Variants in CATSPERT observed in about 807,000 individuals in gnomAD.
CATSPERT encodes catsper channel auxiliary subunit tau, also known as cation channel sperm-associated targeting subunit tau.
chr2:201,562,345 G>A, the CATSPERT span, among the ~76,000 whole-genome samples: 2 of 151,102 alleles, frequency 1.3e-5, no homozygotes, highest in African/African-American at 4.9e-5. Flanking sequence ...CCACCACCAC[G>A]CCCGGCTAAT....
At chr2:201,538,176 C>A in the CATSPERT span, among the ~76,000 whole-genome samples, 1 of 151,976 alleles carries the variant, frequency 6.6e-6, no homozygotes, top group Non-Finnish European at 1.5e-5. Flanking sequence ...AAAAGCAATT[C>A]CCTATTTGCC....
At chr2:201,582,765 T>C in the CATSPERT span, among the ~76,000 whole-genome samples, 2 of 152,208 alleles carry the variant, frequency 1.3e-5, no homozygotes, top group Non-Finnish European at 2.9e-5. Context: ...CATTATTATG[T>C]AATCTTTAAT....
chr2:201,593,285 A>T, the CATSPERT span, among the ~76,000 whole-genome samples: 2 of 150,386 alleles, frequency 1.3e-5, no homozygotes, highest in Non-Finnish European at 3.0e-5. Context: ...CATGTAGTTG[A>T]GCGGTTTTGA....
At chr2:201,523,787 T>C in the CATSPERT span, among the ~76,000 whole-genome samples, 1 of 141,550 alleles carries the variant, frequency 7.1e-6, no homozygotes, top group African/African-American at 2.5e-5. Flanking sequence ...AAATAGTCAT[T>C]TTAAGCAGGA....
chr2:201,614,906 A>C, the CATSPERT span, among the ~76,000 whole-genome samples: 1 of 152,216 alleles, frequency 6.6e-6, no homozygotes, highest in African/African-American at 2.4e-5. Context: ...CAGGGGTTGC[A>C]ATGCTAGTCT....
chr2:201,529,075 T>C, the CATSPERT span, among the ~76,000 whole-genome samples: 2 of 152,152 alleles, frequency 1.3e-5, no homozygotes, highest in Non-Finnish European at 2.9e-5. Context: ...CAAGGAAAAC[T>C]ATGAAACACT....
the CATSPERT span, among the ~76,000 whole-genome samples, chr2:201,504,017 C>T: frequency 6.6e-6 from 1 of 152,114 alleles, no homozygotes; most frequent in East Asian, 1.9e-4. Context: ...TGTGTGAGTA[C>T]CTATAATTTT....
the CATSPERT span, among the ~76,000 whole-genome samples, chr2:201,604,218 C>T: frequency 0.42 from 64,016 of 150,958 alleles, 13,939 homozygotes; most frequent in Non-Finnish European, 0.48. Flanking sequence ...TTTTTTGGAT[C>T]GGGGAGGGGC....
At chr2:201,582,985 T>G in the CATSPERT span, among the ~76,000 whole-genome samples, 11 of 152,270 alleles carry the variant, frequency 7.2e-5, no homozygotes, top group African/African-American at 2.6e-4. Context: ...GCAGGCTCCA[T>G]TTTTCAACAA....
At chr2:201,590,534 A>G in the CATSPERT span, among the ~76,000 whole-genome samples, 1 of 151,822 alleles carries the variant, frequency 6.6e-6, no homozygotes, top group African/African-American at 2.4e-5. Flanking sequence ...TGGTATTTCT[A>G]GTTCTAGATC....
chr2:201,595,866 T>A, the CATSPERT span, among the ~76,000 whole-genome samples: 2 of 145,676 alleles, frequency 1.4e-5, no homozygotes, highest in African/African-American at 5.3e-5. Flanking sequence ...CACAATGAGA[T>A]ACCATCTCAC....
At chr2:201,526,241 A>G in the CATSPERT span, among the ~76,000 whole-genome samples, 2 of 152,160 alleles carry the variant, frequency 1.3e-5, no homozygotes, top group African/African-American at 4.8e-5. Context: ...AAACTGGGCC[A>G]GGCATGGTGG....
the CATSPERT span, among the ~76,000 whole-genome samples, chr2:201,559,739 C>T: frequency 6.6e-6 from 1 of 152,064 alleles, no homozygotes; most frequent in Non-Finnish European, 1.5e-5. Flanking sequence ...GCCAATGTGC[C>T]CCGCCAATCT....
the CATSPERT span, chr2:201,537,429 C>T: frequency 1.2e-5 from 19 of 1,586,350 alleles, no homozygotes; most frequent in African/African-American, 1.6e-4. Context: ...CTTCCAATTT[C>T]CCTTACCTCA....
the CATSPERT span, among the ~76,000 whole-genome samples, chr2:201,610,453 G>A: frequency 5.0e-4 from 23 of 45,992 alleles, no homozygotes; most frequent in South Asian, 1.4e-3. Context: ...GCGAGACTCC[G>A]TCTCAAAAAA....
chr2:201,559,140 C>T, the CATSPERT span, among the ~76,000 whole-genome samples: 1 of 152,176 alleles, frequency 6.6e-6, no homozygotes, highest in African/African-American at 2.4e-5. Flanking sequence ...GAGAAACAGC[C>T]CCGTAGCACC....
the CATSPERT span, among the ~76,000 whole-genome samples, chr2:201,494,934 A>C: frequency 6.6e-6 from 1 of 152,134 alleles, no homozygotes; most frequent in Non-Finnish European, 1.5e-5. Flanking sequence ...TGAAATAAAA[A>C]TTTTAATGGA....
chr2:201,511,845 TAAAAAAAAAAA>T, the CATSPERT span: 12 of 86,672 alleles, frequency 1.4e-4, no homozygotes, highest in Non-Finnish European at 1.1e-4. Flanking sequence ...CTTGGCTCAT[TAAAAAAAAAAA>T]AAAAAAAAAA....
At chr2:201,564,138 C>T in the CATSPERT span, among the ~76,000 whole-genome samples, 1 of 152,144 alleles carries the variant, frequency 6.6e-6, no homozygotes. Flanking sequence ...CACACTAGTC[C>T]CAGTCCTGAC....
Sources: allele counts gnomAD v4.1 joint callset (sites outside exome capture counted in the v4.1 genomes callset), GRCh38; gene constraint gnomAD v4.1.1; transcripts MANE v1.5; gene names NCBI Gene and HGNC (gene_info 2026-07-23, HGNC 2026-07-21).